The following IGLL5 variants were observed in gnomAD, a reference collection of about 807,000 sequenced individuals.
The protein encoded by IGLL5 is immunoglobulin lambda-like polypeptide 5.
In IGLL5, 30 loss-of-function variants were observed where a neutral mutation model predicts 20.9. That is an observed-to-expected ratio of 1.44 (90% CI 1.07 to 1.95). IGLL5 has a LOEUF of 1.95. Among genes scored for constraint, IGLL5 ranks in the 30% most tolerant of loss-of-function variants. The probability of loss-of-function intolerance (pLI) is 0.00; values close to 1 mark genes in which losing one functional copy is unlikely to be tolerated. For missense variants in IGLL5, 475 were observed against 270.7 expected (o/e 1.75, Z -5.30); for synonymous variants, 203 against 117.3 (o/e 1.73, Z -4.72).
At chr22:22,893,358 G>A (rs2067907421) in intron 1 of IGLL5, among the ~76,000 whole-genome samples, 1 of 151,262 alleles carries the variant, frequency 6.6e-6, no homozygotes, top group South Asian at 2.1e-4. Context: ...AAGCCAGCCT[G>A]GCTTCACTGG....
At chr22:22,891,088 T>C (rs1163038490) in intron 1 of IGLL5, among the ~76,000 whole-genome samples, 1 of 151,176 alleles carries the variant, frequency 6.6e-6, no homozygotes, top group Non-Finnish European at 1.5e-5. Context: ...AAAACTGTGG[T>C]AAATTTTTAT....
At chr22:22,888,844 T>G (rs2067654942) in intron 1 of IGLL5, among the ~76,000 whole-genome samples, 2 of 151,396 alleles carry the variant, frequency 1.3e-5, no homozygotes, top group South Asian at 2.1e-4. Flanking sequence ...CGGCCCATGT[T>G]TGGAGCAATA....
chr22:22,894,534 G>T (rs2066664973), intron 2 of IGLL5, among the ~76,000 whole-genome samples: 1 of 151,584 alleles, frequency 6.6e-6, no homozygotes, highest in Admixed American at 6.6e-5. Flanking sequence ...GGGGCCCAGT[G>T]TCTCTCTGTT....
chr22:22,894,548 G>A (rs1327280696), intron 2 of IGLL5, among the ~76,000 whole-genome samples: 7 of 151,556 alleles, frequency 4.6e-5, no homozygotes, highest in East Asian at 2.0e-4. Flanking sequence ...CTCTGTTCAC[G>A]GATCGGCCTC....
At chr22:22,891,681 A>T (rs1037307770) in intron 1 of IGLL5, among the ~76,000 whole-genome samples, 1 of 151,336 alleles carries the variant, frequency 6.6e-6, no homozygotes, top group Non-Finnish European at 1.5e-5. Flanking sequence ...TCACTCAGAT[A>T]AGTGGTTTAA....
intron 1 of IGLL5, among the ~76,000 whole-genome samples, chr22:22,890,473 GTT>G (rs2067801907): frequency 6.8e-6 from 1 of 146,882 alleles, no homozygotes; most frequent in African/African-American, 2.5e-5. Context: ...TATAAACTTT[GTT>G]TTATAAGCAA....
In IGLL5 at chr22:22,889,809, C is replaced by T. The variant is rs527613064; in HGVS notation, c.206+1550C>T. 4.4e-4 allele frequency among the ~76,000 whole-genome samples: 66 copies of T among 151,358 alleles called. 1 individual carries two copies. Among genetic ancestry groups the T allele is most frequent in the Middle Eastern group, 3.7e-3 (1 of 270 alleles). The stretch of plus-strand genomic sequence containing the variant: ...ACAGAGCCTCGCTATATTGCTCAGG[C>T]CTGTCTCAAATTCCTAAGCTCAAGC... On this transcript the variant is annotated intron_variant, in intron 1 of 2. Coordinates refer to ENST00000526893, the MANE Select transcript of IGLL5 (RefSeq NM_001178126.2).
rs1601628417 is a variant in IGLL5, at chr22:22,894,737, A to G, written c.326-638A>G. Among the ~76,000 whole-genome samples the G allele has an allele frequency of 2.6e-5, 4 of 151,122 alleles. 1 individual carries two copies. Among genetic ancestry groups the G allele is most frequent in the African/African-American group, 7.3e-5 (3 of 41,200 alleles). On this transcript the variant is annotated intron_variant, in intron 2 of 2. Coordinates refer to ENST00000526893, the MANE Select transcript of IGLL5 (RefSeq NM_001178126.2). ...GCAGCCCCAGGAACAGCTGAGGTGA[A>G]GGGTTCTGTGGTCGGGCTTGTGGAG...
intron 2 of IGLL5, among the ~76,000 whole-genome samples, chr22:22,894,892 T>G (rs530984882): frequency 6.6e-6 from 1 of 151,238 alleles, no homozygotes; most frequent in African/African-American, 2.4e-5. Flanking sequence ...AAGCTCCAGT[T>G]CAAAGCAGGC....
At chr22:22,890,088 A>T (rs2067774200) in intron 1 of IGLL5, among the ~76,000 whole-genome samples, 2 of 150,160 alleles carry the variant, frequency 1.3e-5, no homozygotes, top group East Asian at 2.1e-4. Flanking sequence ...ACAGTAATGT[A>T]CTCATGTGCA....
At chr22:22,894,511 C>G (rs184526385) in intron 2 of IGLL5, among the ~76,000 whole-genome samples, 5 of 151,474 alleles carry the variant, frequency 3.3e-5, no homozygotes, top group East Asian at 2.0e-4. Context: ...GTCCCTGGAG[C>G]CCCGTCACCT....
At chr22:22,893,118 T>C (rs1231446526) in intron 1 of IGLL5, among the ~76,000 whole-genome samples, 1 of 150,742 alleles carries the variant, frequency 6.6e-6, no homozygotes, top group Non-Finnish European at 1.5e-5. Context: ...GATGAATGAG[T>C]GGACAGATGC....
At chr22:22,891,990 C>A (rs566758718) in intron 1 of IGLL5, among the ~76,000 whole-genome samples, 2 of 151,048 alleles carry the variant, frequency 1.3e-5, no homozygotes, top group Admixed American at 1.3e-4. Context: ...AATATTTATA[C>A]CTCCTTCTCT....
intron 1 of IGLL5, among the ~76,000 whole-genome samples, chr22:22,889,048 C>G (rs1329207632): frequency 6.6e-6 from 1 of 151,366 alleles, no homozygotes; most frequent in Admixed American, 6.6e-5. Flanking sequence ...CATTCCCAGT[C>G]CAGGACGAGT....
chr22:22,893,717 GC>G lies in IGLL5; in HGVS notation c.229del (p.Gln77ArgfsTer32), dbSNP rs777611193. On this transcript the variant is annotated frameshift_variant, in exon 2 of 3. Transcript: ENST00000526893. LOFTEE classifies it high-confidence loss of function. ...CCCAGCAGGCTCCTGCTCCAGCCCA[GC>G]CCCCAGAGAGCAGACCCCAGGTGCT... ...SLWGRLLLQP[S>X]PQRADPRCWP... 6.2e-7 allele frequency: 1 copy of G among 1,607,210 alleles called. No individual in the cohort carries two copies. The highest frequency in any genetic ancestry group is 8.5e-7 in the Non-Finnish European group (1 of 1,176,896).
chr22:22,892,776 C>T (rs1355327956), intron 1 of IGLL5, among the ~76,000 whole-genome samples: 1 of 150,896 alleles, frequency 6.6e-6, no homozygotes, highest in Non-Finnish European at 1.5e-5. Context: ...CAATGAGGGT[C>T]AGATGCAGAG....
At chr22:22,891,740 GTTTGTAAATATAAT>G (rs1267059361) in intron 1 of IGLL5, among the ~76,000 whole-genome samples, 1 of 151,118 alleles carries the variant, frequency 6.6e-6, no homozygotes, top group East Asian at 2.0e-4. Flanking sequence ...TTCATAAAGG[GTTTGTAAATATAAT>G]TTTATTGAAG....
chr22:22,895,839 G>C lies in IGLL5; in HGVS notation c.*145G>C. The C allele has an allele frequency of 4.9e-6, 4 of 815,782 alleles. No individual in the cohort carries two copies. The highest frequency in any genetic ancestry group is 8.1e-6 in the Non-Finnish European group (4 of 496,152). The allele number at this position is 815,782 out of a possible 1,614,324, so 50.5% of individuals were successfully genotyped here. Reference sequence around the variant, plus strand: ...ATCCTCATTGACAACCAGAAATCTTGTTTTATCTCATTTTTTTTCTCACAT... The same window carrying C: ...ATCCTCATTGACAACCAGAAATCTTCTTTTATCTCATTTTTTTTCTCACAT... On this transcript the variant is annotated 3_prime_UTR_variant, in exon 3 of 3. Transcript: ENST00000526893.
chr22:22,888,048 A>C lies in IGLL5; in HGVS notation c.-6A>C. 1 of 1,548,844 alleles carries C rather than the reference A, an allele frequency of 6.5e-7. No homozygotes were observed. Among genetic ancestry groups the C allele is most frequent in the Non-Finnish European group, 8.7e-7 (1 of 1,146,222 alleles). On this transcript the variant is annotated 5_prime_UTR_variant, in exon 1 of 3. Transcript: ENST00000526893. Reference sequence around the variant, plus strand: ...GGGCCAGAGGTGCCCCTGAACCTGAAGGCCAATGAGACCCAAGACAGGCCA... The same window carrying C: ...GGGCCAGAGGTGCCCCTGAACCTGACGGCCAATGAGACCCAAGACAGGCCA...
Sources: gnomAD v4.1 joint callset for allele counts (sites outside exome capture counted in the v4.1 genomes callset) on GRCh38, gnomAD v4.1.1 for gene constraint, MANE v1.5 for transcripts, NCBI Gene and HGNC (gene_info 2026-07-23, HGNC 2026-07-21) for gene names.